Variants in KIF26B observed in about 807,000 individuals in gnomAD.
KIF26B encodes kinesin family member 26B.
In KIF26B, 63 loss-of-function variants were observed where a neutral mutation model predicts 151.2. The ratio of observed to expected loss-of-function variants is 0.42; its 90% confidence interval spans 0.34 to 0.51. The LOEUF (loss-of-function observed/expected upper bound fraction) is 0.51. Among genes scored for constraint, KIF26B ranks in the 20% least tolerant of loss-of-function variants. KIF26B has a pLI of 0.07. For synonymous variants in KIF26B, 1,357 were observed against 1,262.1 expected (o/e 1.08, Z -1.59); for missense variants, 2,813 against 2,913.6 (o/e 0.97, Z 0.79).
chr1:245,425,477 G>T (rs1284010186), intron 4 of KIF26B, among the ~76,000 whole-genome samples: 1 of 152,134 alleles, frequency 6.6e-6, no homozygotes, highest in Non-Finnish European at 1.5e-5. Context: ...TGCAATCTCG[G>T]CTCACTGCAA....
chr1:245,255,314 A>G (rs759255709), intron 2 of KIF26B, among the ~76,000 whole-genome samples: 1 of 152,134 alleles, frequency 6.6e-6, no homozygotes, highest in Non-Finnish European at 1.5e-5. Flanking sequence ...CACACCCTCT[A>G]TCCATCTCTC....
intron 9 of KIF26B, among the ~76,000 whole-genome samples, chr1:245,631,890 T>A (rs1430140393): frequency 6.6e-6 from 1 of 152,162 alleles, no homozygotes; most frequent in Non-Finnish European, 1.5e-5. Context: ...CTCTAATCAT[T>A]TGTATTTCTG....
At chr1:245,690,740 T>TGG (rs199665870) in intron 12 of KIF26B, among the ~76,000 whole-genome samples, 227 of 149,742 alleles carry the variant, frequency 1.5e-3, no homozygotes, top group Admixed American at 4.8e-3. Context: ...TTTATTTGCC[T>TGG]GGGGGGGGGG....
chr1:245,295,452 G>A (rs1041798106), intron 2 of KIF26B, among the ~76,000 whole-genome samples: 2 of 152,166 alleles, frequency 1.3e-5, no homozygotes, highest in Non-Finnish European at 2.9e-5. Context: ...CTCTACCCAT[G>A]GGTCCGTATC....
rs138815719 is a variant in KIF26B at position 245,244,756 on chromosome 1, T to TCTCA, written c.465+88074_465+88075insTCAC. Among the ~76,000 whole-genome samples the TCTCA allele has an allele frequency of 1.4e-5, 2 of 144,354 alleles. No individual in the cohort carries two copies. The highest frequency in any genetic ancestry group is 2.1e-4 in the East Asian group (1 of 4,834). The allele number at this position is 144,354 out of a possible 152,430, so 94.7% of individuals were successfully genotyped here. A position where few individuals can be genotyped will look rare whatever the true frequency, so the allele number is the denominator to read the frequency against. On this transcript the variant is annotated intron_variant, in intron 2 of 14. Coordinates refer to ENST00000407071, the MANE Select transcript of KIF26B (RefSeq NM_018012.4). This position sits in a 1 kb window ranked among gnomAD's most constrained non-coding sequence, Gnocchi z 4.2. ...AGAAGGAACACACAGACACGCACAC[T>TCTCA]CACACACACACACACACACACACAC...
chr1:245,587,170 C>T (rs2043237032), intron 5 of KIF26B, among the ~76,000 whole-genome samples: 1 of 152,220 alleles, frequency 6.6e-6, no homozygotes. Flanking sequence ...GCACAGCTGA[C>T]ACTGAGTCCT....
chr1:245,658,316 G>A (rs2044096704), intron 10 of KIF26B, among the ~76,000 whole-genome samples: 1 of 152,002 alleles, frequency 6.6e-6, no homozygotes, highest in Non-Finnish European at 1.5e-5. Flanking sequence ...ACTGATTGTT[G>A]AAGTTAATCG....
At chr1:245,499,723 G>A (rs1660582487) in intron 4 of KIF26B, among the ~76,000 whole-genome samples, 1 of 152,218 alleles carries the variant, frequency 6.6e-6, no homozygotes, top group Non-Finnish European at 1.5e-5. Flanking sequence ...AGTGCGCATG[G>A]CACTCCGTTA....
At chr1:245,565,331 C>T (rs2042999218) in intron 5 of KIF26B, among the ~76,000 whole-genome samples, 1 of 151,720 alleles carries the variant, frequency 6.6e-6, no homozygotes, top group Non-Finnish European at 1.5e-5. Flanking sequence ...CTCTGTTGCC[C>T]AGGCTGGAGT....
intron 4 of KIF26B, among the ~76,000 whole-genome samples, chr1:245,474,110 CTTTT>C (rs35748378): frequency 8.1e-5 from 9 of 111,244 alleles, no homozygotes; most frequent in Admixed American, 8.8e-5. Flanking sequence ...ACAGTAGGTC[CTTTT>C]TTTTTTTTTT....
intron 12 of KIF26B, among the ~76,000 whole-genome samples, chr1:245,695,790 G>A (rs1224139735): frequency 6.7e-6 from 1 of 149,040 alleles, no homozygotes; most frequent in African/African-American, 2.5e-5. Context: ...GCCCTGGCAC[G>A]GGTATTGGCA....
intron 2 of KIF26B, among the ~76,000 whole-genome samples, chr1:245,203,470 T>C (rs979813171): frequency 4.6e-5 from 7 of 152,164 alleles, no homozygotes; most frequent in African/African-American, 1.7e-4. Context: ...TCAAGATGTG[T>C]CCATCTGCAT....
At chr1:245,163,176 CTG>C (rs1335897166) in intron 2 of KIF26B, among the ~76,000 whole-genome samples, 1 of 152,222 alleles carries the variant, frequency 6.6e-6, no homozygotes, top group Non-Finnish European at 1.5e-5. Flanking sequence ...TGTTCTCACT[CTG>C]TTGTCCAGGC....
rs1178257551 is a variant in KIF26B at position 245,698,855 on chromosome 1, AG to A, written c.6028-29del. 5.0e-6 allele frequency: 8 copies of A among 1,603,482 alleles called. No individual in the cohort carries two copies. The highest frequency in any genetic ancestry group is 1.7e-5 in the Admixed American group (1 of 59,578). The stretch of plus-strand genomic sequence containing the variant: ...GTGGTGTGGGCTGGGTGTGAGCAGA[AG>A]GGCCCTTTCTCCTCTCTGTCTGTGT... On this transcript the variant is annotated intron_variant, in intron 13 of 14. Coordinates refer to ENST00000407071, the MANE Select transcript of KIF26B (RefSeq NM_018012.4). This position sits in a 1 kb window ranked among gnomAD's most constrained non-coding sequence, Gnocchi z 4.0.
At chr1:245,578,116 A>G (rs1054303248) in intron 5 of KIF26B, among the ~76,000 whole-genome samples, 5 of 152,234 alleles carry the variant, frequency 3.3e-5, no homozygotes, top group African/African-American at 9.6e-5. Flanking sequence ...TGGCCCAGTG[A>G]GTCACTGACT....
At chr1:245,271,603 T>A (rs1014420578) in intron 2 of KIF26B, among the ~76,000 whole-genome samples, 3 of 151,866 alleles carry the variant, frequency 2.0e-5, no homozygotes, top group African/African-American at 7.2e-5. Flanking sequence ...TTTTTACATA[T>A]TTTGAGATGA....
intron 2 of KIF26B, among the ~76,000 whole-genome samples, chr1:245,165,071 TA>T (rs35448332): frequency 0.92 from 138,326 of 150,386 alleles, 64,762 homozygotes; most frequent in East Asian, 1. Flanking sequence ...ACTCCATCTT[TA>T]AAAAAAAAAT....
At chr1:245,169,600 A>G (rs2152910) in intron 2 of KIF26B, among the ~76,000 whole-genome samples, 149,583 of 152,052 alleles carry the variant, frequency 0.98, 73,637 homozygotes, top group Middle Eastern at 1. Context: ...ATGGCTTTAC[A>G]AGCATTTTTT....
At chr1:245,689,677 C>T (rs993144728) in intron 12 of KIF26B, among the ~76,000 whole-genome samples, 1 of 152,198 alleles carries the variant, frequency 6.6e-6, no homozygotes, top group Non-Finnish European at 1.5e-5. Context: ...CCTGCTTCAG[C>T]CTCCTGAGTA....
Sources: allele counts gnomAD v4.1 joint callset (sites outside exome capture counted in the v4.1 genomes callset), GRCh38; gene constraint gnomAD v4.1.1; non-coding constraint Gnocchi (gnomAD v3.1); transcripts MANE v1.5; gene names NCBI Gene and HGNC (gene_info 2026-07-23, HGNC 2026-07-21).